SENP6: variants seen among roughly 807,000 people sequenced by gnomAD.
SENP6 encodes SUMO specific peptidase 6.
Under a neutral mutation model 134.5 loss-of-function variants are expected in SENP6, and 41 were observed. The ratio of observed to expected loss-of-function variants is 0.30; its 90% CI spans 0.24 to 0.40. The LOEUF (loss-of-function observed/expected upper bound fraction) is 0.40, where lower values mean the gene tolerates loss of function less well. SENP6 is among the 10% of genes least tolerant of loss of function. The pLI, the probability that SENP6 is intolerant of heterozygous loss-of-function variation, is 1.00. For synonymous variants in SENP6, 395 were observed against 429.8 expected, an observed-to-expected ratio of 0.92 and a Z score of 1.00; for missense variants, 1,248 against 1,312.5, an observed-to-expected ratio of 0.95 and a Z score of 0.76.
At chr6:75,619,030 T>TC in intron 1 of SENP6, among the ~76,000 whole-genome samples, 1 of 147,566 alleles carries the variant, frequency 6.8e-6, no homozygotes, top group South Asian at 2.1e-4. Context: ...TTTTTTTTTT[T>TC]CCTTTTAAAA....
At chr6:75,656,083 C>T (rs992544293) in intron 7 of SENP6, among the ~76,000 whole-genome samples, 31 of 151,810 alleles carry the variant, frequency 2.0e-4, no homozygotes, top group Non-Finnish European at 2.5e-4. Flanking sequence ...GGCATGGTGA[C>T]GCATGCCTGT....
intron 18 of SENP6, 185 bp downstream of exon 18, chr6:75,697,702 T>G (rs549369548): frequency 1.7e-5 from 9 of 521,400 alleles, no homozygotes; most frequent in Non-Finnish European, 3.1e-5. Context: ...ATGTAAGATA[T>G]TGAATTTTAG....
At position 75,663,327 on chromosome 6, in the gene SENP6, C is replaced by T; in HGVS notation, c.803C>T (p.Thr268Ile). 2 of 1,613,698 alleles carry T rather than the reference C, an allele frequency of 1.2e-6. No homozygotes were observed. Among genetic ancestry groups the T allele is most frequent in the East Asian group, 2.2e-5 (1 of 44,778 alleles). ...TCTGGAGGACAGAAGTCACAAAACA[C>T]AGGATTAACAACCAAGAAGTTTTAT... ...QNSGGQKSQN[T>I]GLTTKKFYGN... The change falls in exon 9 of 24, where the codon ACA becomes ATA. Residue 268 changes from threonine (T) to isoleucine (I), a missense_variant. Physicochemically the swap from Thr to Ile is moderately conservative, Grantham distance 89. Transcript: ENST00000447266.
Position 75,647,722 on chromosome 6 carries a change from CT to C in SENP6, c.480-3del. ...TGTTAGAATAAAACTACATAAATTT[CT>C]TTTTTAGGAAAGAATACCCACCTCA... On this transcript the variant is annotated splice_polypyrimidine_tract_variant and splice_region_variant and intron_variant, in intron 6 of 23. Transcript: ENST00000447266. 1.9e-6 allele frequency: 3 copies of C among 1,585,956 alleles called. No individual in the cohort carries two copies. The highest frequency in any genetic ancestry group is 2.6e-6 in the Non-Finnish European group (3 of 1,155,916).
At chr6:75,626,115 G>A (rs1768668636) in intron 3 of SENP6, among the ~76,000 whole-genome samples, 1 of 139,706 alleles carries the variant, frequency 7.2e-6, no homozygotes, top group African/African-American at 2.7e-5. Context: ...CAACTAAATA[G>A]AGAGTTAGGT....
chr6:75,699,718 GAGCCGAAGCGGTCCACCTGCCGT>G (rs1774905456), intron 18 of SENP6, among the ~76,000 whole-genome samples: 1 of 151,990 alleles, frequency 6.6e-6, no homozygotes, highest in South Asian at 2.1e-4. Context: ...TCAAACTCCA[GAGCCGAAGCGGTCCACCTGCCGT>G]AGCCTCTCAA....
intron 17 of SENP6, among the ~76,000 whole-genome samples, chr6:75,696,286 G>A (rs1451907234): frequency 2.6e-5 from 4 of 152,096 alleles, no homozygotes; most frequent in Non-Finnish European, 5.9e-5. Context: ...CTAGAATAGT[G>A]TTTCCCAAAT....
At chr6:75,690,615 C>T (rs1774169386) in intron 16 of SENP6, among the ~76,000 whole-genome samples, 1 of 151,938 alleles carries the variant, frequency 6.6e-6, no homozygotes, top group South Asian at 2.1e-4. Context: ...TAACACTGTG[C>T]ATATACTTTA....
chr6:75,681,695 GA>G (rs1773477345), intron 16 of SENP6, among the ~76,000 whole-genome samples: 3 of 151,958 alleles, frequency 2.0e-5, no homozygotes, highest in Non-Finnish European at 2.9e-5. Flanking sequence ...ATGTTTTAAT[GA>G]ACATGATGAC....
At position 75,676,007 on chromosome 6, in the gene SENP6, A is replaced by C. The variant is rs1439560628; in HGVS notation, c.1574A>C (p.Lys525Thr). 6.2e-7 allele frequency: 1 copy of C among 1,610,568 alleles called. No homozygotes were observed. The highest frequency in any genetic ancestry group is 8.5e-7 in the Non-Finnish European group (1 of 1,178,734). The change falls in exon 13 of 24, where the codon AAG (lysine) becomes ACG (threonine). Residue 525 changes from lysine (K) to threonine (T), a missense_variant. Coordinates refer to ENST00000447266, the MANE Select transcript of SENP6 (RefSeq NM_015571.4). ...QKLSIQLQMN[K>T]EDKVWNDCKG... ...CTGAGCATCCAACTGCAAATGAATA[A>C]GGAGGATAAAGTTTGGAATGATTGT... is the stretch of plus-strand genomic sequence containing the variant.
intron 16 of SENP6, 100 bp downstream of exon 16, chr6:75,679,027 A>G: frequency 1.6e-6 from 1 of 639,536 alleles, no homozygotes; most frequent in East Asian, 2.8e-5. Flanking sequence ...TTTAAATTCC[A>G]TCTCTGCCAC....
chr6:75,614,920 C>G lies in SENP6; in HGVS notation c.53-6612C>G, dbSNP rs571195853. ...TTGTTTTGAGACAGAGTCTCACACA[C>G]TTTTTTACCCAGGCTGGAGTGCAGT... is the stretch of plus-strand genomic sequence containing the variant. On this transcript the variant is annotated intron_variant, in intron 1 of 23. Coordinates refer to ENST00000447266, the MANE Select transcript of SENP6 (RefSeq NM_015571.4). Among the ~76,000 whole-genome samples the G allele has an allele frequency of 1.4e-3, 206 of 152,132 alleles. 1 individual carries two copies. The highest frequency in any genetic ancestry group is 2.4e-3 in the Non-Finnish European group (160 of 68,030).
intron 5 of SENP6, among the ~76,000 whole-genome samples, chr6:75,638,608 ATATATATATATATATTTTTTT>A (rs1769747796): frequency 2.3e-5 from 1 of 43,588 alleles, no homozygotes; most frequent in African/African-American, 9.1e-5. Context: ...ATATATATAT[ATATATATATATATATTTTTTT>A]TTTTTTTTTT....
chr6:75,690,115 T>C (rs1459991194), intron 16 of SENP6, among the ~76,000 whole-genome samples: 1 of 152,214 alleles, frequency 6.6e-6, no homozygotes, highest in Non-Finnish European at 1.5e-5. Context: ...CTCACTTTGT[T>C]GGCCAGGCTG....
chr6:75,699,645 G>A (rs545558518), intron 18 of SENP6, among the ~76,000 whole-genome samples: 10 of 151,388 alleles, frequency 6.6e-5, no homozygotes, highest in African/African-American at 2.2e-4. Context: ...ATGCTACCAC[G>A]CCCAGCTAAT....
intron 6 of SENP6, among the ~76,000 whole-genome samples, chr6:75,645,381 C>T (rs494940): frequency 0.2 from 29,774 of 152,080 alleles, 3,367 homozygotes; most frequent in African/African-American, 0.31. Context: ...TTTGGGAGGC[C>T]GAGGCAGGCA....
chr6:75,713,991 A>G (rs1236106312), intron 23 of SENP6, among the ~76,000 whole-genome samples, 166 bp downstream of exon 23: 1 of 152,224 alleles, frequency 6.6e-6, no homozygotes, highest in Admixed American at 6.5e-5. Context: ...CCTTCAAGGC[A>G]TAAAAATAGT....
chr6:75,607,418 T>C (rs1035751291), intron 1 of SENP6, among the ~76,000 whole-genome samples: 6 of 152,158 alleles, frequency 3.9e-5, no homozygotes, highest in African/African-American at 1.4e-4. Context: ...GGCTAGCTTG[T>C]TCCTATAAAC....
At chr6:75,712,736 A>G (rs1433963470) in intron 21 of SENP6, among the ~76,000 whole-genome samples, 1 of 148,796 alleles carries the variant, frequency 6.7e-6, no homozygotes, top group Non-Finnish European at 1.5e-5. Flanking sequence ...TGGAATCTTG[A>G]AAAAAAAAAG....
Sources: gnomAD v4.1 joint callset for allele counts (sites outside exome capture counted in the v4.1 genomes callset) on GRCh38, gnomAD v4.1.1 for gene constraint, MANE v1.5 for transcripts, NCBI Gene and HGNC (gene_info 2026-07-23, HGNC 2026-07-21) for gene names.